The following AGBL4 variants were observed in gnomAD, a reference collection of about 807,000 sequenced individuals.
The protein encoded by AGBL4 is AGBL carboxypeptidase 4, also known as cytosolic carboxypeptidase 6.
AGBL4 carries 58 observed loss-of-function variants against 66.4 expected under a neutral mutation model. The ratio of observed to expected loss-of-function variants is 0.87; its 90% confidence interval spans 0.71 to 1.09. The LOEUF (loss-of-function observed/expected upper bound fraction) is 1.09. Among genes scored for constraint, AGBL4 ranks in the 50% least tolerant of loss-of-function variants. AGBL4 has a pLI of 0.00. For missense variants in AGBL4, 579 were observed against 631.0 expected, an observed-to-expected ratio of 0.92 and a Z score of 0.88; for synonymous variants, 234 against 222.9, an observed-to-expected ratio of 1.05 and a Z score of -0.44.
chr1:49,534,720 T>A (rs1364353236), intron 3 of AGBL4, among the ~76,000 whole-genome samples: 1 of 152,236 alleles, frequency 6.6e-6, no homozygotes, highest in Non-Finnish European at 1.5e-5. Flanking sequence ...TGCAAGGGTT[T>A]ATGAAGCTGA....
At chr1:49,664,685 C>A (rs1241567335) in intron 3 of AGBL4, among the ~76,000 whole-genome samples, 1 of 152,024 alleles carries the variant, frequency 6.6e-6, no homozygotes, top group African/African-American at 2.4e-5. Context: ...AGATTGGTAT[C>A]TTTGGCTCAT....
chr1:49,752,451 G>T lies in AGBL4; in HGVS notation c.158-55014C>A, dbSNP rs541715934. On this transcript the variant is annotated intron_variant, in intron 2 of 13. Transcript: ENST00000371839. ...TGTGGTCTGAGAGACTGTTTCTTAT[G>T]ATTTCTTTTGCATATACTGAGGAGT... 8.6e-5 allele frequency among the ~76,000 whole-genome samples: 13 copies of T among 151,160 alleles called. No homozygotes were observed. The East Asian group carries it at 9.8e-4, about 11-fold the overall frequency.
At chr1:49,819,880 C>T (rs1328558300) in intron 2 of AGBL4, among the ~76,000 whole-genome samples, 2 of 152,088 alleles carry the variant, frequency 1.3e-5, no homozygotes, top group African/African-American at 4.8e-5. Flanking sequence ...AGAAAAACGT[C>T]CTATACTTTG....
At chr1:49,658,413 C>G (rs1198481161) in intron 3 of AGBL4, among the ~76,000 whole-genome samples, 1 of 152,188 alleles carries the variant, frequency 6.6e-6, no homozygotes, top group African/African-American at 2.4e-5. Flanking sequence ...GTTGGTGGGA[C>G]TGTAAACTCG....
chr1:49,411,951 T>C (rs1401186744), intron 3 of AGBL4, among the ~76,000 whole-genome samples: 1 of 152,196 alleles, frequency 6.6e-6, no homozygotes, highest in African/African-American at 2.4e-5. Flanking sequence ...TATCATTAAT[T>C]GTTACAATGG....
chr1:49,055,596 T>G (rs1644294110), intron 4 of AGBL4, among the ~76,000 whole-genome samples: 1 of 152,166 alleles, frequency 6.6e-6, no homozygotes, highest in South Asian at 2.1e-4. Flanking sequence ...CTAAAAATCA[T>G]GAGAACATAT....
intron 3 of AGBL4, among the ~76,000 whole-genome samples, chr1:49,575,121 G>A (rs1402953670): frequency 1.3e-5 from 2 of 152,136 alleles, no homozygotes; most frequent in Non-Finnish European, 2.9e-5. Flanking sequence ...TGTGCAACTG[G>A]GGAAAGGGAA....
intron 3 of AGBL4, among the ~76,000 whole-genome samples, chr1:49,330,588 A>G (rs1177815909): frequency 6.6e-6 from 1 of 152,202 alleles, no homozygotes; most frequent in African/African-American, 2.4e-5. Context: ...TAATTAATTA[A>G]TCCTAATGTT....
intron 3 of AGBL4, among the ~76,000 whole-genome samples, chr1:49,411,077 AAAG>A (rs1281967357): frequency 6.6e-6 from 1 of 152,228 alleles, no homozygotes; most frequent in East Asian, 1.9e-4. Context: ...GGTGAGGAAG[AAAG>A]AAGCCAGCAG....
rs141793106 is a variant in AGBL4 at position 49,585,719 on chromosome 1, C to T, written c.282+111594G>A. ...ATAATAAATATGCTATTTTAAGTCACTAAATTTGTGACAACTTATTACACA... is the reference window on the plus strand; with the variant it reads ...ATAATAAATATGCTATTTTAAGTCATTAAATTTGTGACAACTTATTACACA... On this transcript the variant is annotated intron_variant, in intron 3 of 13. Transcript: ENST00000371839. 2.2e-3 allele frequency among the ~76,000 whole-genome samples: 342 copies of T among 152,238 alleles called. 1 individual carries two copies. Among genetic ancestry groups the T allele is most frequent in the Non-Finnish European group, 3.4e-3 (233 of 68,036 alleles).
At chr1:49,556,672 A>G (rs1216534354) in intron 3 of AGBL4, among the ~76,000 whole-genome samples, 4 of 152,060 alleles carry the variant, frequency 2.6e-5, no homozygotes, top group Non-Finnish European at 5.9e-5. Context: ...CAGGGGCCGC[A>G]GGCGGAGCTG....
At chr1:49,436,224 A>C (rs760971685) in intron 3 of AGBL4, among the ~76,000 whole-genome samples, 6 of 152,210 alleles carry the variant, frequency 3.9e-5, no homozygotes, top group Non-Finnish European at 7.3e-5. Context: ...TGAGTTTGAA[A>C]GAGAGTGGTC....
chr1:49,834,152 G>A (rs1307843267), intron 2 of AGBL4, among the ~76,000 whole-genome samples: 1 of 152,152 alleles, frequency 6.6e-6, no homozygotes, highest in Non-Finnish European at 1.5e-5. Context: ...AGTTTCAGAA[G>A]GAATGGTACC....
chr1:49,146,732 A>G (rs577050607), intron 4 of AGBL4, among the ~76,000 whole-genome samples: 1 of 152,366 alleles, frequency 6.6e-6, no homozygotes, highest in Non-Finnish European at 1.5e-5. Flanking sequence ...GACACCCTCC[A>G]AGGAGCATGA....
chr1:49,131,703 C>T (rs1205877504), intron 4 of AGBL4, among the ~76,000 whole-genome samples: 1 of 152,000 alleles, frequency 6.6e-6, no homozygotes, highest in African/African-American at 2.4e-5. Flanking sequence ...ATTTAGGAAG[C>T]ATGAGAATTG....
chr1:49,417,075 C>T (rs1360236157), intron 3 of AGBL4, among the ~76,000 whole-genome samples: 1 of 152,032 alleles, frequency 6.6e-6, no homozygotes, highest in Non-Finnish European at 1.5e-5. Flanking sequence ...ATGATGCAGA[C>T]ATGTGTTACA....
At chr1:49,576,405 A>G (rs1222793872) in intron 3 of AGBL4, among the ~76,000 whole-genome samples, 2 of 152,194 alleles carry the variant, frequency 1.3e-5, no homozygotes, top group African/African-American at 4.8e-5. Context: ...TGGAGCCTTT[A>G]GCAGGCCACC....
intron 2 of AGBL4, among the ~76,000 whole-genome samples, chr1:49,755,617 C>CCATCTCT (rs1204538237): frequency 2.6e-5 from 4 of 152,160 alleles, no homozygotes; most frequent in African/African-American, 9.7e-5. Context: ...CAAAAAATCT[C>CCATCTCT]CATCTCTCAA....
At chr1:48,898,364 A>G (rs1651744388) in intron 5 of AGBL4, among the ~76,000 whole-genome samples, 1 of 152,164 alleles carries the variant, frequency 6.6e-6, no homozygotes, top group African/African-American at 2.4e-5. Flanking sequence ...GTCTTATACA[A>G]AGAAAATCTT....
Sources: gnomAD v4.1 joint callset for allele counts (sites outside exome capture counted in the v4.1 genomes callset) on GRCh38, gnomAD v4.1.1 for gene constraint, MANE v1.5 for transcripts, NCBI Gene and HGNC (gene_info 2026-07-23, HGNC 2026-07-21) for gene names.